Variants in CERS3 observed in about 807,000 individuals in gnomAD.
The protein encoded by CERS3 is LAG1 homolog, ceramide synthase 3.
Under a neutral mutation model 50.3 loss-of-function variants are expected in CERS3, and 33 were observed. The observed-to-expected ratio is 0.66, with a 90% CI of 0.50 to 0.88. The LOEUF is 0.88. CERS3 is among the 40% of genes least tolerant of loss of function. The pLI is 0.00. For missense variants in CERS3, 470 were observed against 460.3 expected (o/e 1.02, Z -0.19); for synonymous variants, 176 against 155.2 (o/e 1.13, Z -0.99).
In CERS3 at chr15:100,538,519, TA is replaced by T. The variant is rs561767652; in HGVS notation, c.-355+6131del. Among the ~76,000 whole-genome samples, 155 of 152,364 alleles carry T rather than the reference TA, an allele frequency of 1.0e-3. 1 individual carries two copies. The highest frequency in any genetic ancestry group is 1.3e-3 in the Non-Finnish European group (91 of 68,036). On this transcript the variant is annotated intron_variant, in intron 1 of 12. Coordinates refer to the CERS3 transcript ENST00000284382. ...GCACCTGCAGCCCCAACACCACATGTAAACTTACAAGACTTTGGGCTTGCAC... is the reference window on the plus strand; with the variant it reads ...GCACCTGCAGCCCCAACACCACATGTAACTTACAAGACTTTGGGCTTGCAC...
At chr15:100,457,019 A>G (rs2062815) in intron 10 of CERS3, among the ~76,000 whole-genome samples, 2,550 of 152,012 alleles carry the variant, frequency 0.017, 32 homozygotes, top group East Asian at 0.034. Flanking sequence ...TAGCACTATG[A>G]ATTTAGAGTC....
chr15:100,430,655 G>A (rs936737138), intron 11 of CERS3, among the ~76,000 whole-genome samples: 19 of 152,140 alleles, frequency 1.2e-4, no homozygotes, highest in African/African-American at 4.3e-4. Context: ...GAAACAAAGA[G>A]CTATATAATA....
At chr15:100,439,366 T>A (rs1189421705) in intron 11 of CERS3, among the ~76,000 whole-genome samples, 1 of 152,198 alleles carries the variant, frequency 6.6e-6, no homozygotes, top group East Asian at 1.9e-4. Context: ...TTTTGTAACT[T>A]GCTACCCAAA....
At chr15:100,526,774 T>G (rs1404919040) in intron 1 of CERS3, among the ~76,000 whole-genome samples, 1 of 152,032 alleles carries the variant, frequency 6.6e-6, no homozygotes, top group African/African-American at 2.4e-5. Context: ...TTGTCTGCTT[T>G]GTTCACTGGT....
intron 3 of CERS3, among the ~76,000 whole-genome samples, chr15:100,494,049 TTTTG>T (rs2035731234): frequency 6.6e-6 from 1 of 151,694 alleles, no homozygotes; most frequent in African/African-American, 2.4e-5. Context: ...GTGCATAATT[TTTTG>T]TTTCTTTCCA....
chr15:100,498,023 A>C (rs989076070), intron 3 of CERS3, among the ~76,000 whole-genome samples: 2 of 151,688 alleles, frequency 1.3e-5, no homozygotes, highest in Non-Finnish European at 2.9e-5. Flanking sequence ...CCTCACGAAG[A>C]GCTGGGACTA....
At chr15:100,436,389 G>T (rs570042060) in intron 11 of CERS3, among the ~76,000 whole-genome samples, 3 of 152,146 alleles carry the variant, frequency 2.0e-5, no homozygotes, top group African/African-American at 2.4e-5. Flanking sequence ...ACCAAACACT[G>T]CCTGTTCTCA....
chr15:100,542,767 A>G (rs2037231687), intron 1 of CERS3, among the ~76,000 whole-genome samples: 1 of 152,092 alleles, frequency 6.6e-6, no homozygotes, highest in Non-Finnish European at 1.5e-5. Context: ...TCTAATACAA[A>G]TACCCCTACA....
intron 6 of CERS3, 41 bp from the exon 7 acceptor site, chr15:100,479,519 A>C (rs1044716435): frequency 1.3e-6 from 2 of 1,537,730 alleles, no homozygotes; most frequent in African/African-American, 2.8e-5. Flanking sequence ...GATGAGAAAT[A>C]AATTGGTCGG....
intron 1 of CERS3, among the ~76,000 whole-genome samples, chr15:100,523,700 CAA>C (rs34875423): frequency 0.023 from 1,179 of 51,454 alleles, 29 homozygotes; most frequent in Admixed American, 0.11. Context: ...GACTCCATCT[CAA>C]AAAAAAAAAA....
chr15:100,420,411 A>T (rs2032335971), intron 11 of CERS3, among the ~76,000 whole-genome samples: 1 of 152,192 alleles, frequency 6.6e-6, no homozygotes, highest in Non-Finnish European at 1.5e-5. Flanking sequence ...ATAGACCAAT[A>T]ACAGGATCTG....
At chr15:100,438,190 C>G (rs1052519638) in intron 11 of CERS3, among the ~76,000 whole-genome samples, 1 of 150,810 alleles carries the variant, frequency 6.6e-6, no homozygotes, top group Non-Finnish European at 1.5e-5. Flanking sequence ...GGTTACAGGC[C>G]CACACCACCA....
At chr15:100,501,649 G>A in intron 3 of CERS3, 28 bp downstream of exon 3, 1 of 1,564,972 alleles carries the variant, frequency 6.4e-7, no homozygotes, top group Non-Finnish European at 8.8e-7. Context: ...GAGGGGGAAT[G>A]GGAAGGAAAG....
At chr15:100,527,955 TA>T (rs1345761008) in intron 1 of CERS3, among the ~76,000 whole-genome samples, 3 of 152,234 alleles carry the variant, frequency 2.0e-5, no homozygotes, top group African/African-American at 4.8e-5. Context: ...AAAAGGCTTG[TA>T]GGGGGGAAGG....
chr15:100,493,779 A>C (rs2035722017), intron 3 of CERS3, among the ~76,000 whole-genome samples: 1 of 152,062 alleles, frequency 6.6e-6, no homozygotes, highest in South Asian at 2.1e-4. Flanking sequence ...AGCCTCTCTC[A>C]TGAAATTTTG....
At chr15:100,431,309 T>C (rs999337777) in intron 11 of CERS3, among the ~76,000 whole-genome samples, 1 of 152,164 alleles carries the variant, frequency 6.6e-6, no homozygotes, top group Non-Finnish European at 1.5e-5. Context: ...TCACTTTATA[T>C]AATAAATGGT....
At chr15:100,527,706 G>C (rs542956020) in intron 1 of CERS3, among the ~76,000 whole-genome samples, 10 of 152,178 alleles carry the variant, frequency 6.6e-5, no homozygotes, top group Non-Finnish European at 1.3e-4. Flanking sequence ...CCCTAAAGGG[G>C]AAAATGCACG....
chr15:100,439,741 G>A (rs900879303), intron 11 of CERS3, among the ~76,000 whole-genome samples: 2 of 152,204 alleles, frequency 1.3e-5, no homozygotes, highest in Non-Finnish European at 2.9e-5. Context: ...GGAGGAATAA[G>A]CTGATTTCAC....
chr15:100,498,567 C>G lies in CERS3; in HGVS notation c.173+3110G>C, dbSNP rs542414448. Among the ~76,000 whole-genome samples, 88 of 152,246 alleles carry G rather than the reference C, an allele frequency of 5.8e-4. 1 individual carries two copies. Among genetic ancestry groups the G allele is most frequent in the African/African-American group, 2.0e-3 (84 of 41,534 alleles). On this transcript the variant is annotated intron_variant, in intron 3 of 11. Coordinates refer to ENST00000679737, the MANE Select transcript of CERS3 (RefSeq NM_001378789.1). Reference sequence around the variant, plus strand: ...AAATGGTTCAAAGTTAGGTTAATTACCAGGGAATGAGTCCCTTAGGTTTGC... The same window carrying G: ...AAATGGTTCAAAGTTAGGTTAATTAGCAGGGAATGAGTCCCTTAGGTTTGC...
Sources: gnomAD v4.1 joint callset for allele counts (sites outside exome capture counted in the v4.1 genomes callset) on GRCh38, gnomAD v4.1.1 for gene constraint, MANE v1.5 for transcripts, NCBI Gene and HGNC (gene_info 2026-07-23, HGNC 2026-07-21) for gene names.